UMODL1: variants seen among roughly 807,000 people sequenced by gnomAD.
The protein encoded by UMODL1 is uromodulin like 1.
In UMODL1, 128 loss-of-function variants were observed where a neutral mutation model predicts 136.3. The ratio of observed to expected loss-of-function variants is 0.94; its 90% CI spans 0.81 to 1.09. UMODL1 has a LOEUF of 1.09. Among genes scored for constraint, UMODL1 ranks in the 50% least tolerant of loss-of-function variants. The pLI is 0.00. For synonymous variants in UMODL1, 721 were observed against 720.0 expected (o/e 1.00, Z -0.02); for missense variants, 1,766 against 1,725.6 (o/e 1.02, Z -0.41).
chr21:42,088,143 A>T (rs377275788), intron 4 of UMODL1, 151 bp from the exon 5 acceptor site: 6 of 729,886 alleles, frequency 8.2e-6, no homozygotes, highest in East Asian at 2.8e-5. Context: ...TGGGATAGTG[A>T]TGGATAGATA....
rs1326677373 is a variant in UMODL1, at chr21:42,102,245, G to A, written c.1266G>A (p.Glu422=). 6 of 1,613,384 alleles carry A rather than the reference G, an allele frequency of 3.7e-6. No individual in the cohort carries two copies. The highest frequency in any genetic ancestry group is 4.2e-6 in the Non-Finnish European group (5 of 1,179,664). ...AGTTACTCAACCGCAGCAGTGTGGA[G>A]TACCAGGACTTTTCTAGACAACTGC... is the stretch of plus-strand genomic sequence containing the variant. ...TEKLLNRSSV[E]YQDFSRQLLH... is the part of the protein sequence containing the mutation. The change falls in exon 8 of 23, where the codon GAG becomes GAA. Residue 422 remains glutamate, a synonymous_variant. Transcript: ENST00000408910.
intron 1 of UMODL1, among the ~76,000 whole-genome samples, chr21:42,074,020 C>T (rs2066260154): frequency 6.6e-6 from 1 of 152,202 alleles, no homozygotes; most frequent in African/African-American, 2.4e-5. Context: ...GGAGGGGACC[C>T]TTCACCATCC....
chr21:42,111,440 G>A, intron 11 of UMODL1, 66 bp from the exon 12 acceptor site: 4 of 1,613,786 alleles, frequency 2.5e-6, no homozygotes, highest in Non-Finnish European at 3.4e-6. Flanking sequence ...CTCCCCGAAG[G>A]CTACTGGGTC....
Position 42,085,654 on chromosome 21 carries a change from C to T in UMODL1, c.603+242C>T, listed in dbSNP as rs2066418104. ...AGTTGGCTGAGTTGTTATGTGTGTA[C>T]CCTCATAGGCCCGCCTGTCGTGGTG... On this transcript the variant is annotated intron_variant, in intron 4 of 22. Transcript: ENST00000408910. This position sits in a 1 kb window ranked among gnomAD's most constrained non-coding sequence, Gnocchi z 4.5. Among the ~76,000 whole-genome samples, 1 of 152,180 alleles carries T rather than the reference C, an allele frequency of 6.6e-6. No homozygotes were observed. Among genetic ancestry groups the T allele is most frequent in the African/African-American group, 2.4e-5 (1 of 41,432 alleles).
At position 42,121,181 on chromosome 21, in the gene UMODL1, A is replaced by G. The variant is rs2094233077; in HGVS notation, c.2784A>G (p.Gly928=). 1.2e-6 allele frequency: 2 copies of G among 1,613,638 alleles called. No homozygotes were observed. The highest frequency in any genetic ancestry group is 1.7e-5 in the Admixed American group (1 of 59,940). The part of the protein sequence containing the change: ...LGSFTCSCEG[G]APDFPVEYSE... ...CTTTCACTTGTAGCTGCGAGGGAGGAGCCCCCGACTTCCCTGTGGAATATT... is the reference window on the plus strand; with the variant it reads ...CTTTCACTTGTAGCTGCGAGGGAGGGGCCCCCGACTTCCCTGTGGAATATT... Residue 928 remains glycine (G), a synonymous_variant, in exon 16 of 23, where the codon GGA becomes GGG. Coordinates refer to ENST00000408910, the MANE Select transcript of UMODL1 (RefSeq NM_001004416.3).
intron 1 of UMODL1, among the ~76,000 whole-genome samples, chr21:42,073,477 G>A (rs220281): frequency 0.65 from 98,457 of 152,010 alleles, 32,360 homozygotes; most frequent in Admixed American, 0.74. Flanking sequence ...GGCCCTGCTG[G>A]GCCCGCAGGG....
rs1601299055 is a variant in UMODL1, at chr21:42,142,942, G to A, written c.*868G>A. On this transcript the variant is annotated 3_prime_UTR_variant, in exon 23 of 23. Transcript: ENST00000408910. ...AATTTTCTCCATTACATCATCCTAAGAGATAATGCTCTGTACTTCATTTGA... is the reference window on the plus strand; with the variant it reads ...AATTTTCTCCATTACATCATCCTAAAAGATAATGCTCTGTACTTCATTTGA... 1 of 152,276 alleles carries A rather than the reference G, an allele frequency of 6.6e-6. No individual in the cohort carries two copies. Among genetic ancestry groups the A allele is most frequent in the South Asian group, 2.1e-4 (1 of 4,830 alleles). 9.4% of individuals were successfully genotyped at this position (152,276 alleles called of 1,614,324 possible). A position where few individuals can be genotyped will look rare whatever the true frequency, so the allele number is the denominator to read the frequency against.
chr21:42,065,547 T>A (rs1475273207), intron 1 of UMODL1, among the ~76,000 whole-genome samples: 1 of 151,666 alleles, frequency 6.6e-6, no homozygotes, highest in Non-Finnish European at 1.5e-5. Context: ...TTTTTCTTTT[T>A]TTTTTTTTGA....
chr21:42,114,101 A>C (rs1011628560), intron 13 of UMODL1, among the ~76,000 whole-genome samples: 1 of 152,222 alleles, frequency 6.6e-6, no homozygotes, highest in Non-Finnish European at 1.5e-5. Flanking sequence ...GGTGCGGCTC[A>C]CCCATGTCCT....
intron 14 of UMODL1, among the ~76,000 whole-genome samples, chr21:42,118,730 C>G (rs747940469): frequency 6.6e-6 from 1 of 152,128 alleles, no homozygotes; most frequent in South Asian, 2.1e-4. Context: ...GCACTCAGCC[C>G]CCTGCCCTCG....
intron 21 of UMODL1, among the ~76,000 whole-genome samples, chr21:42,134,078 G>A (rs1478317916): frequency 1.3e-5 from 2 of 152,084 alleles, no homozygotes; most frequent in Non-Finnish European, 2.9e-5. Flanking sequence ...GGGCCACCAC[G>A]CCAAGCTAAT....
chr21:42,079,966 C>A (rs1477035472), intron 2 of UMODL1, among the ~76,000 whole-genome samples: 1 of 152,228 alleles, frequency 6.6e-6, no homozygotes, highest in Non-Finnish European at 1.5e-5. Context: ...CCTGCCTGTG[C>A]CGGGGCCTGG....
At chr21:42,067,749 C>T (rs887936178), upstream of UMODL1, among the ~76,000 whole-genome samples, 1 of 152,240 alleles carries the variant, frequency 6.6e-6, no homozygotes, top group Non-Finnish European at 1.5e-5. Context: ...TCTGCTCTGG[C>T]CTTGCCACGA....
chr21:42,081,170 C>A (rs1302594722), intron 2 of UMODL1, among the ~76,000 whole-genome samples: 1 of 152,178 alleles, frequency 6.6e-6, no homozygotes, highest in Non-Finnish European at 1.5e-5. Context: ...CCAGGAGACT[C>A]CCCAAAACTT....
chr21:42,134,031 T>C (rs2067169909), intron 21 of UMODL1, among the ~76,000 whole-genome samples: 4 of 152,140 alleles, frequency 2.6e-5, no homozygotes, highest in South Asian at 4.1e-4. Context: ...GATTCTCCTG[T>C]CTCGGCCTCT....
rs1420964733 is a variant in UMODL1 at position 42,085,369 on chromosome 21, T to G, written c.560T>G (p.Val187Gly). ...ATGGACTTCAAGGAACTCCAGCAAG[T>G]GGACCCCAGGCTCCTGAACCACATG... The part of the protein sequence containing the change: ...VKMDFKELQQ[V>G]DPRLLNHMRL... Residue 187 changes from valine (V) to glycine (G), a missense_variant, in exon 4 of 23, where the codon GTG (valine) becomes GGG (glycine). Physicochemically the swap from Val to Gly is moderately radical, Grantham distance 109 (BLOSUM62 -3). Coordinates refer to ENST00000408910, the MANE Select transcript of UMODL1 (RefSeq NM_001004416.3). This position sits in a 1 kb window ranked among gnomAD's most constrained non-coding sequence, Gnocchi z 4.5. The G allele has an allele frequency of 1.9e-6, 3 of 1,614,062 alleles. No individual in the cohort carries two copies. The East Asian group carries it at 6.7e-5, about 36-fold the overall frequency.
chr21:42,106,339 AGAAAC>A (rs1224595300), intron 9 of UMODL1, among the ~76,000 whole-genome samples: 2 of 152,364 alleles, frequency 1.3e-5, no homozygotes, highest in Non-Finnish European at 2.9e-5. Flanking sequence ...AAAAAAAACA[AGAAAC>A]GAAAACACAA....
chr21:42,067,743 C>A (rs2066194854), upstream of UMODL1, among the ~76,000 whole-genome samples: 1 of 152,234 alleles, frequency 6.6e-6, no homozygotes, highest in Non-Finnish European at 1.5e-5. Flanking sequence ...TTCCGATCTG[C>A]TCTGGCCTTG....
At chr21:42,066,059 G>T (rs150802) in intron 1 of UMODL1, among the ~76,000 whole-genome samples, 130,279 of 152,246 alleles carry the variant, frequency 0.86, 56,023 homozygotes, top group African/African-American at 0.91. Flanking sequence ...GTGCTAATGC[G>T]GTTATCAATA....
Sources: allele counts gnomAD v4.1 joint callset (sites outside exome capture counted in the v4.1 genomes callset), GRCh38; gene constraint gnomAD v4.1.1; non-coding constraint Gnocchi (gnomAD v3.1); transcripts MANE v1.5; gene names NCBI Gene and HGNC (gene_info 2026-07-23, HGNC 2026-07-21).